Variants in TBC1D10C observed in about 807,000 individuals in gnomAD.
The protein encoded by TBC1D10C is TBC1 domain family member 10C, also known as carabin.
In TBC1D10C, 49 loss-of-function variants were observed where a neutral mutation model predicts 51.0. The ratio of observed to expected loss-of-function variants is 0.96; its 90% CI spans 0.76 to 1.22. The LOEUF is 1.22. Among genes scored for constraint, TBC1D10C ranks in the 50% most tolerant of loss-of-function variants. The pLI is 0.00. For synonymous variants in TBC1D10C, 281 were observed against 266.7 expected, an observed-to-expected ratio of 1.05 and a Z score of -0.52; for missense variants, 541 against 617.5, an observed-to-expected ratio of 0.88 and a Z score of 1.31.
At chr11:67,408,947 G>A (rs1015545353) in intron 7 of TBC1D10C, 32 bp from the exon 8 acceptor site, 19 of 1,526,344 alleles carry the variant, frequency 1.2e-5, no homozygotes, top group East Asian at 5.0e-5. Context: ...GGGCAGGGCC[G>A]GCCTCCCAGT....
Position 67,404,129 on chromosome 11 carries a change from G to A in TBC1D10C, c.-74G>A. ...CCTCTGACCCCGCAGCCAGGCCCCA[G>A]GCTGGCCGGGAGTGGCCCCTCACAC... On this transcript the variant is annotated 5_prime_UTR_variant, in exon 1 of 9. Coordinates refer to ENST00000542590, the MANE Select transcript of TBC1D10C (RefSeq NM_001369496.1). 7.2e-7 allele frequency: 1 copy of A among 1,392,602 alleles called. No individual in the cohort carries two copies. Among genetic ancestry groups the A allele is most frequent in the Non-Finnish European group, 9.3e-7 (1 of 1,071,872 alleles). The allele number at this position is 1,392,602 out of a possible 1,614,324, so 86.3% of individuals were successfully genotyped here. A position where few individuals can be genotyped will look rare whatever the true frequency, so the allele number is the denominator to read the frequency against.
chr11:67,405,329 G>A, intron 2 of TBC1D10C, 70 bp from the exon 3 acceptor site: 2 of 1,548,422 alleles, frequency 1.3e-6, no homozygotes, highest in East Asian at 2.3e-5. Context: ...GCCTGCTGAT[G>A]AGCTGTGCCT....
chr11:67,406,973 C>G lies in TBC1D10C; in HGVS notation c.795C>G (p.Pro265=). The change falls in exon 7 of 9, where the codon CCC becomes CCG. Residue 265 remains proline (P), a synonymous_variant. Transcript: ENST00000542590. ...WFLCLFARSL[P]FPTVLRVWDA... is the part of the protein sequence containing the mutation. ...TGTGCCTCTTCGCCCGCTCCCTGCC[C>G]TTCCCCACAGTGCTGCGTGTCTGGG... 1 of 1,613,276 alleles carries G rather than the reference C, an allele frequency of 6.2e-7. No homozygotes were observed. The highest frequency in any genetic ancestry group is 8.5e-7 in the Non-Finnish European group (1 of 1,179,972).
At chr11:67,405,266 C>A in intron 2 of TBC1D10C, 82 bp downstream of exon 2, 1 of 1,504,916 alleles carries the variant, frequency 6.6e-7, no homozygotes, top group Admixed American at 2.0e-5. Flanking sequence ...ATGTACCCAC[C>A]CTGTGTCCCA....
rs1863110347 is a variant in TBC1D10C, at chr11:67,405,412, G to A, written c.266G>A (p.Cys89Tyr). 6.2e-7 allele frequency: 1 copy of A among 1,613,546 alleles called. No homozygotes were observed. Among genetic ancestry groups the A allele is most frequent in the Non-Finnish European group, 8.5e-7 (1 of 1,179,942 alleles). ...CCTCACCCACAGGTAAAGATGCAGT[G>A]CCGGAAAGGCATCCCGTCTGCCCTG... ...SRRYKKVKMQ[C>Y]RKGIPSALRA... Residue 89 changes from cysteine (C) to tyrosine (Y), a missense_variant, in exon 3 of 9, where the codon TGC becomes TAC. Physicochemically the swap from Cys to Tyr is radical, Grantham distance 194. Coordinates refer to ENST00000542590, the MANE Select transcript of TBC1D10C (RefSeq NM_001369496.1).
rs762456591 is a variant in TBC1D10C, at chr11:67,406,988, G to A, written c.810G>A (p.Leu270=). The A allele has an allele frequency of 9.3e-6, 15 of 1,612,714 alleles. No homozygotes were observed. In the East Asian group the frequency reaches 3.1e-4, roughly 34 times the overall value. ...GCTCCCTGCCCTTCCCCACAGTGCT[G>A]CGTGTCTGGGATGCCTTCCTCAGTG... ...FARSLPFPTV[L]RVWDAFLSEG... is the part of the protein sequence containing the mutation. Residue 270 remains leucine (L), a synonymous_variant, in exon 7 of 9, where the codon CTG becomes CTA. Transcript: ENST00000542590.
chr11:67,408,749 A>G, intron 7 of TBC1D10C: 1 of 493,148 alleles, frequency 2.0e-6, no homozygotes, highest in East Asian at 3.6e-5. Context: ...ACAGTAACCA[A>G]ATTCACAAGA....
rs139431275 is a variant in TBC1D10C at position 67,408,854 on chromosome 11, T to C, written c.839-125T>C. On this transcript the variant is annotated intron_variant, in intron 7 of 8. Coordinates refer to ENST00000542590, the MANE Select transcript of TBC1D10C (RefSeq NM_001369496.1). ...CGAAATGCAACTCCACCCTCTGTCATTGTTCCTGAACCGGGGAGGGCAGAG... is the reference window on the plus strand; with the variant it reads ...CGAAATGCAACTCCACCCTCTGTCACTGTTCCTGAACCGGGGAGGGCAGAG... The C allele has an allele frequency of 1.9e-4, 249 of 1,284,940 alleles. 1 individual carries two copies. The African/African-American group carries it at 3.5e-3, about 18-fold the overall frequency. 79.6% of individuals were successfully genotyped at this position (1,284,940 alleles called of 1,614,324 possible). A position where few individuals can be genotyped will look rare whatever the true frequency, so the allele number is the denominator to read the frequency against.
Position 67,405,930 on chromosome 11 carries a change from G to T in TBC1D10C, c.495G>T (p.Lys165Asn). The change falls in exon 5 of 9, where the codon AAG (lysine) becomes AAT (asparagine). Residue 165 changes from lysine to asparagine, a missense_variant. Physicochemically the swap from Lys to Asn is moderately conservative, Grantham distance 94. Coordinates refer to ENST00000542590, the MANE Select transcript of TBC1D10C (RefSeq NM_001369496.1). ...AGCAGGGGCTCCTGCAGGTGCTCAA[G>T]GCCTACACCCTGTATCGACCGGAGC... ...HGQQGLLQVL[K>N]AYTLYRPEQG... is the part of the protein sequence containing the mutation. 1 of 1,603,324 alleles carries T rather than the reference G, an allele frequency of 6.2e-7. No individual in the cohort carries two copies. The highest frequency in any genetic ancestry group is 1.1e-5 in the South Asian group (1 of 89,402).
rs770862989 is a variant in TBC1D10C, at chr11:67,404,267, T to TG, written c.69dup (p.Ser24ValfsTer182). The TG allele has an allele frequency of 6.2e-7, 1 of 1,603,932 alleles. No individual in the cohort carries two copies. Among genetic ancestry groups the TG allele is most frequent in the Non-Finnish European group, 8.5e-7 (1 of 1,173,280 alleles). On this transcript the variant is annotated frameshift_variant, in exon 1 of 9. Coordinates refer to ENST00000542590, the MANE Select transcript of TBC1D10C (RefSeq NM_001369496.1). LOFTEE classifies it high-confidence loss of function. ...GAGCTGCAGGATGACTCCAGCTCCT[T>TG]GGGGTCCGACTCAGAGCTCAGCGGG...
chr11:67,404,297 G>C lies in TBC1D10C; in HGVS notation c.95G>C (p.Gly32Ala). ...LGSDSELSGP[G>A]PYRQADRYGF... is the part of the protein sequence containing the mutation. ...TCCGACTCAGAGCTCAGCGGGCCTG[G>C]CCCATATCGCCAGGCCGACCGCTAT... is the stretch of plus-strand genomic sequence containing the variant. The change falls in exon 1 of 9, where the codon GGC becomes GCC. Residue 32 changes from glycine to alanine, a missense_variant. Transcript: ENST00000542590. The C allele has an allele frequency of 6.2e-7, 1 of 1,601,218 alleles. No individual in the cohort carries two copies. The highest frequency in any genetic ancestry group is 1.1e-5 in the South Asian group (1 of 90,716).
At position 67,405,078 on chromosome 11, in the gene TBC1D10C, C is replaced by A; in HGVS notation, c.153-7C>A. The A allele has an allele frequency of 1.3e-6, 2 of 1,549,478 alleles. No homozygotes were observed. Among genetic ancestry groups the A allele is most frequent in the Non-Finnish European group, 1.7e-6 (2 of 1,146,128 alleles). ...AGCGTCTGGATACCTGTGCCATGCA[C>A]CCCCAGGCCGGGCCACCCACCTGCA... On this transcript the variant is annotated splice_region_variant and splice_polypyrimidine_tract_variant and intron_variant, in intron 1 of 8. Coordinates refer to ENST00000542590, the MANE Select transcript of TBC1D10C (RefSeq NM_001369496.1).
chr11:67,404,049 GC>G, upstream of TBC1D10C: 1 of 946,392 alleles, frequency 1.1e-6, no homozygotes, highest in Non-Finnish European at 1.5e-6. Context: ...CCTAGCCCCT[GC>G]CCCCATAAAA....
At chr11:67,408,944 G>A (rs959723860) in intron 7 of TBC1D10C, 35 bp from the exon 8 acceptor site, 3 of 1,527,404 alleles carry the variant, frequency 2.0e-6, no homozygotes, top group Non-Finnish European at 2.6e-6. Context: ...GAGGGGCAGG[G>A]CCGGCCTCCC....
rs758667474 is a variant in TBC1D10C, at chr11:67,405,981, C to T, written c.546C>T (p.Pro182=). The change falls in exon 5 of 9, where the codon CCC becomes CCT. Residue 182 remains proline, a synonymous_variant. Coordinates refer to ENST00000542590, the MANE Select transcript of TBC1D10C (RefSeq NM_001369496.1). The part of the protein sequence containing the change: ...PEQGYCQAQG[P]VAAVLLMHLP... ...AGGGCTACTGCCAGGCCCAGGGGCC[C>T]GTGGCTGCTGTGCTGCTCATGCACC... is the stretch of plus-strand genomic sequence containing the variant. 26 of 1,604,440 alleles carry T rather than the reference C, an allele frequency of 1.6e-5. No individual in the cohort carries two copies. The highest frequency in any genetic ancestry group is 2.2e-5 in the South Asian group (2 of 89,974).
Position 67,409,492 on chromosome 11 carries a change from C to A in TBC1D10C, c.1079C>A (p.Pro360His). 1.3e-6 allele frequency: 2 copies of A among 1,548,498 alleles called. No individual in the cohort carries two copies. The highest frequency in any genetic ancestry group is 1.2e-5 in the South Asian group (1 of 83,974). ...LAQLPDSAPG[P>H]PPRPQVRLAG... ...CAGCTGCCCGATTCCGCGCCGGGAC[C>A]CCCGCCCCGGCCACAGGTCCGCCTC... The change falls in exon 9 of 9, where the codon CCC (proline) becomes CAC (histidine). Residue 360 changes from proline (P) to histidine (H), a missense_variant. Transcript: ENST00000542590.
At chr11:67,405,265 C>A (rs1590943763) in intron 2 of TBC1D10C, 81 bp downstream of exon 2, 1 of 1,505,180 alleles carries the variant, frequency 6.6e-7, no homozygotes, top group East Asian at 2.5e-5. Flanking sequence ...AATGTACCCA[C>A]CCTGTGTCCC....
rs1017354506 is a variant in TBC1D10C at position 67,405,269 on chromosome 11, G to T, written c.252+85G>T. 21 of 1,503,598 alleles carry T rather than the reference G, an allele frequency of 1.4e-5. No individual in the cohort carries two copies. The East Asian group carries it at 4.9e-4, about 35-fold the overall frequency. 93.1% of individuals were successfully genotyped at this position (1,503,598 alleles called of 1,614,324 possible). On this transcript the variant is annotated intron_variant, in intron 2 of 8. Coordinates refer to ENST00000542590, the MANE Select transcript of TBC1D10C (RefSeq NM_001369496.1). ...CATCTTGGCAAAATGTACCCACCCT[G>T]TGTCCCAGCACCTCCGGCCTTTGCT...
chr11:67,404,023 T>G, upstream of TBC1D10C: 1 of 701,164 alleles, frequency 1.4e-6, no homozygotes, highest in African/African-American at 1.9e-5. Context: ...GGCCTGGCTT[T>G]TCTGTCAGGG....
Sources: gnomAD v4.1 joint callset for allele counts on GRCh38, gnomAD v4.1.1 for gene constraint, MANE v1.5 for transcripts, NCBI Gene and HGNC (gene_info 2026-07-23, HGNC 2026-07-21) for gene names.